The following PREX2 variants were observed in gnomAD, a reference collection of about 807,000 sequenced individuals.
PREX2 encodes the protein phosphatidylinositol-3,4,5-trisphosphate dependent Rac exchange factor 2.
In PREX2, 107 loss-of-function variants were observed where a neutral mutation model predicts 203.2. The observed-to-expected ratio is 0.53, with a 90% confidence interval of 0.45 to 0.62. The LOEUF is 0.62. Ranked by LOEUF, PREX2 falls within the 20% of genes least tolerant of loss-of-function variation. The pLI is 0.00. For missense variants in PREX2, 1,777 were observed against 1,955.9 expected, an observed-to-expected ratio of 0.91 and a Z score of 1.72; for synonymous variants, 672 against 663.6, an observed-to-expected ratio of 1.01 and a Z score of -0.19.
chr8:68,005,100 T>G lies in PREX2; in HGVS notation c.142-12746T>G, dbSNP rs1807054427. ...TTATGTATTGCTTTGATAAGGTCCT[T>G]TGCTGTGTTTCCTTCAACCCTGTCC... On this transcript the variant is annotated intron_variant, in intron 1 of 39. Coordinates refer to ENST00000288368, the MANE Select transcript of PREX2 (RefSeq NM_024870.4). Among the ~76,000 whole-genome samples the G allele has an allele frequency of 2.6e-5, 4 of 152,304 alleles. No homozygotes were observed. The South Asian group carries it at 6.2e-4, about 24-fold the overall frequency.
chr8:68,211,050 G>A lies in PREX2; in HGVS notation c.4605-6566G>A, dbSNP rs75970655. Among the ~76,000 whole-genome samples the A allele has an allele frequency of 3.5e-3, 530 of 152,286 alleles. 5 individuals carry two copies. The highest frequency in any genetic ancestry group is 0.012 in the African/African-American group (502 of 41,546). On this transcript the variant is annotated intron_variant, in intron 37 of 39. Coordinates refer to ENST00000288368, the MANE Select transcript of PREX2 (RefSeq NM_024870.4). ...AGGAGGGGACGAGAGACACACCTCT[G>A]GCATCTAGAAATACAGTTGGGAAAG... is the stretch of plus-strand genomic sequence containing the variant.
Position 68,100,182 on chromosome 8 carries a change from T to C in PREX2, c.2715+339T>C, listed in dbSNP as rs756061928. The C allele has an allele frequency of 9.8e-5, 46 of 468,448 alleles. No individual in the cohort carries two copies. The Admixed American group carries it at 1.0e-3, about 11-fold the overall frequency. 29.0% of individuals were successfully genotyped at this position (468,448 alleles called of 1,614,324 possible). A position where few individuals can be genotyped will look rare whatever the true frequency, so the allele number is the denominator to read the frequency against. On this transcript the variant is annotated intron_variant, in intron 23 of 39. Coordinates refer to ENST00000288368, the MANE Select transcript of PREX2 (RefSeq NM_024870.4). ...ATTTAAAATTATACTATAGTTCTTC[T>C]TTTCTTTTCTCCCAACTAAGAGAAT...
Position 68,062,520 on chromosome 8 carries a change from T to C in PREX2, c.1339+1741T>C, listed in dbSNP as rs940719582. Among the ~76,000 whole-genome samples, 10 of 152,324 alleles carry C rather than the reference T, an allele frequency of 6.6e-5. No homozygotes were observed. In the East Asian group the frequency reaches 1.7e-3, roughly 26 times the overall value. On this transcript the variant is annotated intron_variant, in intron 11 of 39. Transcript: ENST00000288368. ...GCACTGTGGCCACCCTGACCATCTGTCTCTTTCTTCAACGCTCCAAGATGA... is the reference window on the plus strand; with the variant it reads ...GCACTGTGGCCACCCTGACCATCTGCCTCTTTCTTCAACGCTCCAAGATGA...
intron 35 of PREX2, among the ~76,000 whole-genome samples, chr8:68,162,509 T>C (rs1188083205): frequency 6.6e-6 from 1 of 152,122 alleles, no homozygotes; most frequent in African/African-American, 2.4e-5. Flanking sequence ...CTGAAAAGAA[T>C]TAGGAAATTA....
intron 19 of PREX2, among the ~76,000 whole-genome samples, chr8:68,089,021 T>C (rs1482117280): frequency 6.6e-6 from 1 of 152,106 alleles, no homozygotes; most frequent in Non-Finnish European, 1.5e-5. Flanking sequence ...GTGTATGAAA[T>C]GGAAAGATAT....
intron 34 of PREX2, among the ~76,000 whole-genome samples, chr8:68,149,327 G>A (rs369410551): frequency 8.1e-4 from 124 of 152,302 alleles, no homozygotes; most frequent in African/African-American, 2.6e-3. Flanking sequence ...CGGCCAATGT[G>A]TATTGCTGAA....
intron 4 of PREX2, among the ~76,000 whole-genome samples, chr8:68,025,335 T>C (rs1381209662): frequency 2.6e-5 from 4 of 152,036 alleles, no homozygotes; most frequent in South Asian, 4.1e-4. Flanking sequence ...TACTACCTTA[T>C]GGCTTCCATT....
intron 3 of PREX2, among the ~76,000 whole-genome samples, chr8:68,020,444 TTTTG>T (rs1194022970): frequency 6.6e-6 from 1 of 152,144 alleles, no homozygotes; most frequent in Non-Finnish European, 1.5e-5. Context: ...ACAATTAATG[TTTTG>T]TTTAAAAATG....
chr8:67,971,985 G>T (rs1805939217), intron 1 of PREX2, among the ~76,000 whole-genome samples: 1 of 152,190 alleles, frequency 6.6e-6, no homozygotes, highest in Non-Finnish European at 1.5e-5. Context: ...GAGATATGGA[G>T]AATTATTTTC....
intron 1 of PREX2, among the ~76,000 whole-genome samples, chr8:67,987,912 A>AGTATGTGTGTGTGTGTGTGTGT (rs139568645): frequency 6.6e-6 from 1 of 150,796 alleles, no homozygotes; most frequent in Non-Finnish European, 1.5e-5. Context: ...GCAGCCAGGG[A>AGTATGTGTGTGTGTGTGTGTGT]GTGTGTGTGT....
chr8:68,213,597 C>G (rs1812781335), intron 37 of PREX2, among the ~76,000 whole-genome samples: 1 of 152,190 alleles, frequency 6.6e-6, no homozygotes, highest in South Asian at 2.1e-4. Context: ...AAATGGGACC[C>G]ATTAGCTGCA....
At position 68,138,407 on chromosome 8, in the gene PREX2, C is replaced by T; in HGVS notation, c.3985-8C>T. The T allele has an allele frequency of 6.8e-7, 1 of 1,471,332 alleles. No individual in the cohort carries two copies. Among genetic ancestry groups the T allele is most frequent in the African/African-American group, 1.4e-5 (1 of 71,312 alleles). The allele number at this position is 1,471,332 out of a possible 1,614,324, so 91.1% of individuals were successfully genotyped here. ...CTTGTATTATATATTGTTTTTCTTT[C>T]TTTGTAGACAGATGAACAAGCCATG... On this transcript the variant is annotated splice_region_variant and splice_polypyrimidine_tract_variant and intron_variant, in intron 32 of 39. Coordinates refer to ENST00000288368, the MANE Select transcript of PREX2 (RefSeq NM_024870.4).
intron 31 of PREX2, among the ~76,000 whole-genome samples, chr8:68,133,245 G>A (rs1811043044): frequency 6.6e-6 from 1 of 152,086 alleles, no homozygotes; most frequent in Non-Finnish European, 1.5e-5. Flanking sequence ...CAGCATGGGA[G>A]AAACCACCCC....
At chr8:68,038,019 C>T (rs1460545684) in intron 6 of PREX2, 140 bp from the exon 7 acceptor site, 6 of 839,070 alleles carry the variant, frequency 7.2e-6, no homozygotes, top group Non-Finnish European at 1.1e-5. Context: ...CAGTGTATAA[C>T]TATCTCTACT....
chr8:67,957,040 A>G (rs903691568), intron 1 of PREX2, among the ~76,000 whole-genome samples: 3 of 152,352 alleles, frequency 2.0e-5, no homozygotes, highest in Middle Eastern at 3.4e-3. Flanking sequence ...GGCTTGGCCC[A>G]TCTGGCTCAT....
intron 6 of PREX2, among the ~76,000 whole-genome samples, chr8:68,036,985 A>G (rs181022392): frequency 4.6e-5 from 7 of 152,284 alleles, no homozygotes; most frequent in Non-Finnish European, 1.0e-4. Context: ...AAAATTTGCA[A>G]TACAAAGATA....
chr8:68,115,323 C>G (rs538529611), intron 25 of PREX2, among the ~76,000 whole-genome samples: 2 of 152,144 alleles, frequency 1.3e-5, no homozygotes, highest in Non-Finnish European at 2.9e-5. Flanking sequence ...CCACAACACC[C>G]GGCTGATTAC....
At chr8:68,002,139 T>TTTTC (rs1554563438) in intron 1 of PREX2, among the ~76,000 whole-genome samples, 6 of 134,316 alleles carry the variant, frequency 4.5e-5, no homozygotes, top group Admixed American at 1.7e-4. Context: ...CTTTTTTTCT[T>TTTTC]TTTCTTTCTT....
intron 1 of PREX2, among the ~76,000 whole-genome samples, chr8:67,993,412 C>CTT (rs72366669): frequency 3.0e-5 from 4 of 132,740 alleles, no homozygotes; most frequent in African/African-American, 5.7e-5. Context: ...TTTTTTTTTT[C>CTT]TTTTTTTTTT....
Sources: allele counts gnomAD v4.1 joint callset (sites outside exome capture counted in the v4.1 genomes callset), GRCh38; gene constraint gnomAD v4.1.1; transcripts MANE v1.5; gene names NCBI Gene and HGNC (gene_info 2026-07-23, HGNC 2026-07-21).